Variants in SPTLC3 observed in about 807,000 individuals in gnomAD.
The protein encoded by SPTLC3 is serine palmitoyltransferase 3.
SPTLC3 carries 36 observed loss-of-function variants against 59.3 expected under a neutral mutation model. That is an observed-to-expected ratio of 0.61 (90% confidence interval 0.47 to 0.80). The LOEUF is 0.80. Ranked by LOEUF, SPTLC3 falls within the 30% of genes least tolerant of loss-of-function variation. The pLI, the probability that SPTLC3 is intolerant of heterozygous loss-of-function variation, is 0.00. For missense variants in SPTLC3, 625 were observed against 685.1 expected (o/e 0.91, Z 0.98); for synonymous variants, 257 against 240.8 (o/e 1.07, Z -0.62).
intron 4 of SPTLC3, among the ~76,000 whole-genome samples, chr20:13,079,434 AC>A (rs1257730541): frequency 1.3e-5 from 2 of 152,202 alleles, no homozygotes; most frequent in African/African-American, 4.8e-5. Context: ...GGTAAATTAC[AC>A]CCAGATAAAT....
intron 2 of SPTLC3, among the ~76,000 whole-genome samples, chr20:13,068,680 G>A (rs542995636): frequency 4.6e-5 from 7 of 151,492 alleles, no homozygotes; most frequent in African/African-American, 1.5e-4. Context: ...AAACATGTAG[G>A]TTACTGACCT....
chr20:13,139,333 T>G (rs6041897), intron 9 of SPTLC3, among the ~76,000 whole-genome samples: 75,095 of 151,932 alleles, frequency 0.49, 18,688 homozygotes, highest in East Asian at 0.63. Flanking sequence ...ATTAGTTAAG[T>G]TATGTTACTT....
chr20:13,014,788 TTA>T (rs1985438979), intron 1 of SPTLC3, among the ~76,000 whole-genome samples: 1 of 124,700 alleles, frequency 8.0e-6, no homozygotes, highest in African/African-American at 2.8e-5. Flanking sequence ...CTGTCTAAAT[TTA>T]AAAAAAAAAA....
chr20:13,069,097 G>A (rs562350778), intron 2 of SPTLC3, among the ~76,000 whole-genome samples: 4 of 152,240 alleles, frequency 2.6e-5, no homozygotes, highest in East Asian at 1.9e-4. Context: ...TCAAGCCAAC[G>A]CCAAGTTCCC....
chr20:13,099,276 A>G (rs1372066738), intron 6 of SPTLC3, among the ~76,000 whole-genome samples: 1 of 152,212 alleles, frequency 6.6e-6, no homozygotes, highest in Non-Finnish European at 1.5e-5. Context: ...TAAGGAATGC[A>G]GGAAGCATTT....
chr20:13,022,642 G>A (rs965756299), intron 1 of SPTLC3, among the ~76,000 whole-genome samples: 3 of 152,126 alleles, frequency 2.0e-5, no homozygotes, highest in African/African-American at 4.8e-5. Context: ...GAACTGGATC[G>A]ATGCAGCCAT....
chr20:13,114,288 A>T (rs1014379), intron 7 of SPTLC3, among the ~76,000 whole-genome samples: 116,873 of 152,188 alleles, frequency 0.77, 45,924 homozygotes, highest in African/African-American at 0.94. Context: ...AGTGTTCTGA[A>T]CTGTATGTTT....
At chr20:13,014,273 C>T (rs1985407080) in intron 1 of SPTLC3, among the ~76,000 whole-genome samples, 1 of 152,134 alleles carries the variant, frequency 6.6e-6, no homozygotes, top group Admixed American at 6.5e-5. Context: ...TGGAAATAGT[C>T]CACCACAATA....
At chr20:13,037,909 G>A (rs187524291) in intron 1 of SPTLC3, among the ~76,000 whole-genome samples, 93 of 152,040 alleles carry the variant, frequency 6.1e-4, no homozygotes, top group African/African-American at 2.0e-3. Context: ...GAGAGAGATG[G>A]ATGAGACATA....
At chr20:13,053,527 A>G (rs535162381) in intron 2 of SPTLC3, among the ~76,000 whole-genome samples, 2 of 152,264 alleles carry the variant, frequency 1.3e-5, no homozygotes, top group South Asian at 2.1e-4. Flanking sequence ...ACAAAACTGG[A>G]CGGAGAATGA....
At chr20:13,021,245 G>A (rs1401468009) in intron 1 of SPTLC3, among the ~76,000 whole-genome samples, 2 of 151,842 alleles carry the variant, frequency 1.3e-5, no homozygotes, top group Non-Finnish European at 2.9e-5. Context: ...TCCTCTCTTT[G>A]ACCTTTAAAC....
chr20:13,128,537 A>G (rs996320800), intron 9 of SPTLC3, among the ~76,000 whole-genome samples: 2 of 152,210 alleles, frequency 1.3e-5, no homozygotes, highest in Admixed American at 1.3e-4. Flanking sequence ...GGGTCAGCCT[A>G]GAGGTGACTC....
At chr20:13,163,271 G>A (rs918479074) in intron 11 of SPTLC3, among the ~76,000 whole-genome samples, 1 of 151,018 alleles carries the variant, frequency 6.6e-6, no homozygotes, top group African/African-American at 2.4e-5. Context: ...GAACTGCTGA[G>A]GCAGGAGAAT....
intron 9 of SPTLC3, among the ~76,000 whole-genome samples, chr20:13,150,364 A>G (rs1287355246): frequency 6.6e-6 from 1 of 152,078 alleles, no homozygotes; most frequent in Admixed American, 6.6e-5. Flanking sequence ...GTGTCTAAGC[A>G]TATATATATA....
chr20:13,110,181 G>T lies in SPTLC3; in HGVS notation c.896G>T (p.Trp299Leu), dbSNP rs1222890259. 1 of 1,613,422 alleles carries T rather than the reference G, an allele frequency of 6.2e-7. No individual in the cohort carries two copies. The highest frequency in any genetic ancestry group is 1.3e-5 in the African/African-American group (1 of 74,836). The change falls in exon 7 of 12, where the codon TGG becomes TTG. Residue 299 changes from tryptophan (W) to leucine (L), a missense_variant. Physicochemically the swap from Trp to Leu is moderately conservative, Grantham distance 61 (BLOSUM62 -2). Transcript: ENST00000399002. ...IYGQPRTRRA[W>L]KKILILVEGV... The stretch of plus-strand genomic sequence containing the variant: ...GGCCAGCCTCGAACCCGCAGAGCTT[G>T]GAAAAAGATTCTCATCCTGGTGGAG...
At chr20:13,129,716 C>T (rs1024633913) in intron 9 of SPTLC3, among the ~76,000 whole-genome samples, 1 of 152,226 alleles carries the variant, frequency 6.6e-6, no homozygotes, top group Non-Finnish European at 1.5e-5. Context: ...ACAGACAAAA[C>T]TTGCTCTATT....
intron 2 of SPTLC3, among the ~76,000 whole-genome samples, chr20:13,065,298 T>A (rs541327406): frequency 6.7e-6 from 1 of 150,320 alleles, no homozygotes; most frequent in East Asian, 2.0e-4. Context: ...TGTTTCTGTG[T>A]AACTATCAGA....
At position 13,154,095 on chromosome 20, in the gene SPTLC3, G is replaced by T; in HGVS notation, c.1372G>T (p.Ala458Ser). ...MGFIIYGNEN[A>S]SVVPLLLYMP... ...ATTCATTATCTATGGCAATGAGAAT[G>T]CTTCTGTTGTTCCTCTGCTTCTTTA... The change falls in exon 10 of 12, where the codon GCT becomes TCT. Residue 458 changes from alanine (A) to serine (S), a missense_variant. By Grantham distance (99) the Ala-to-Ser change is moderately conservative. Coordinates refer to ENST00000399002, the MANE Select transcript of SPTLC3 (RefSeq NM_018327.4). 2 of 1,614,178 alleles carry T rather than the reference G, an allele frequency of 1.2e-6. No homozygotes were observed. Among genetic ancestry groups the T allele is most frequent in the African/African-American group, 1.3e-5 (1 of 75,060 alleles).
At chr20:13,123,581 T>C (rs767926899) in intron 8 of SPTLC3, among the ~76,000 whole-genome samples, 4 of 152,186 alleles carry the variant, frequency 2.6e-5, no homozygotes, top group Non-Finnish European at 4.4e-5. Context: ...GAGGCTGCAC[T>C]GTAACTCCTG....
Sources: allele counts gnomAD v4.1 joint callset (sites outside exome capture counted in the v4.1 genomes callset), GRCh38; gene constraint gnomAD v4.1.1; transcripts MANE v1.5; gene names NCBI Gene and HGNC (gene_info 2026-07-23, HGNC 2026-07-21).